Variants in MGAT4C observed in about 807,000 individuals in gnomAD.
The protein encoded by MGAT4C is alpha-1,3-mannosyl-glycoprotein 4-beta-N-acetylglucosaminyltransferase C.
MGAT4C carries 19 observed loss-of-function variants against 40.1 expected under a neutral mutation model. The ratio of observed to expected loss-of-function variants is 0.47; its 90% CI spans 0.33 to 0.70. MGAT4C has a LOEUF of 0.70. MGAT4C is among the 30% of genes least tolerant of loss of function. The pLI is 0.02. For missense variants in MGAT4C, 491 were observed against 563.2 expected, an observed-to-expected ratio of 0.87 and a Z score of 1.30; for synonymous variants, 181 against 187.1, an observed-to-expected ratio of 0.97 and a Z score of 0.27.
At chr12:85,998,030 G>T (rs1886830588) in intron 2 of MGAT4C, among the ~76,000 whole-genome samples, 1 of 152,222 alleles carries the variant, frequency 6.6e-6, no homozygotes, top group South Asian at 2.1e-4. Flanking sequence ...TGGATATCCA[G>T]GTGTTTCCAT....
chr12:86,438,538 G>A (rs1449475142), intron 2 of MGAT4C, among the ~76,000 whole-genome samples: 3 of 151,840 alleles, frequency 2.0e-5, no homozygotes, highest in Non-Finnish European at 4.4e-5. Flanking sequence ...ATAGAAGATG[G>A]CATCCCTATA....
At position 85,979,805 on chromosome 12, in the gene MGAT4C, A is replaced by C. The variant is rs766814115; in HGVS notation, c.921T>G (p.Ser307=). 7 of 1,613,744 alleles carry C rather than the reference A, an allele frequency of 4.3e-6. No individual in the cohort carries two copies. In the South Asian group the frequency reaches 6.6e-5, roughly 15 times the overall value. Residue 307 remains serine (S), a synonymous_variant, in exon 5 of 5, where the codon TCT becomes TCG. Transcript: ENST00000611864. ...AATAATAGCCCATGTGCTGAAAGAGAGATGGTTTAAAACGGATCACATTTT... is the reference window on the plus strand; with the variant it reads ...AATAATAGCCCATGTGCTGAAAGAGCGATGGTTTAAAACGGATCACATTTT... ...AQKNVIRFKP[S]LFQHMGYYSS... is the part of the protein sequence containing the mutation.
At chr12:86,458,426 A>C (rs987118230) in intron 2 of MGAT4C, among the ~76,000 whole-genome samples, 3 of 152,140 alleles carry the variant, frequency 2.0e-5, no homozygotes, top group Non-Finnish European at 2.9e-5. Flanking sequence ...ATTATCCTGA[A>C]TCTACCTCAG....
At chr12:86,461,536 C>T (rs1386834195) in intron 2 of MGAT4C, among the ~76,000 whole-genome samples, 2 of 152,078 alleles carry the variant, frequency 1.3e-5, no homozygotes, top group East Asian at 1.9e-4. Flanking sequence ...TGAGCCACTG[C>T]GCCCGGCCAC....
chr12:86,078,478 C>A (rs1019863427), intron 1 of MGAT4C, among the ~76,000 whole-genome samples: 1 of 152,206 alleles, frequency 6.6e-6, no homozygotes, highest in Non-Finnish European at 1.5e-5. Context: ...GATAGGCAAA[C>A]CTATATCTGG....
At chr12:86,592,445 A>G (rs903634262) in intron 2 of MGAT4C, among the ~76,000 whole-genome samples, 12 of 152,180 alleles carry the variant, frequency 7.9e-5, no homozygotes, top group Admixed American at 2.0e-4. Flanking sequence ...ATCAAACTGT[A>G]TAATTGGTAA....
rs1158370049 is a variant in MGAT4C, at chr12:85,957,674, GAAAAAAGA to G, written c.*21607_*21614del. 1.0e-4 allele frequency: 10 copies of G among 98,498 alleles called. No homozygotes were observed. The highest frequency in any genetic ancestry group is 3.5e-4 in the African/African-American group (10 of 28,350). 6.1% of individuals were successfully genotyped at this position (98,498 alleles called of 1,614,324 possible). A position where few individuals can be genotyped will look rare whatever the true frequency, so the allele number is the denominator to read the frequency against. ...TAAGAAAGCAAAAAAAAAAAAAAAA[GAAAAAAGA>G]AAAAAAAAATCTATCAATCCTGAAA... On this transcript the variant is annotated 3_prime_UTR_variant, in exon 5 of 5. Coordinates refer to ENST00000611864, the MANE Select transcript of MGAT4C (RefSeq NM_001351288.2).
rs1423787936 is a variant in MGAT4C, at chr12:86,452,745, A to T, written c.-228-17480T>A. Among the ~76,000 whole-genome samples, 5 of 152,260 alleles carry T rather than the reference A, an allele frequency of 3.3e-5. No homozygotes were observed. The East Asian group carries it at 7.7e-4, about 24-fold the overall frequency. On this transcript the variant is annotated intron_variant, in intron 2 of 7. Coordinates refer to the MGAT4C transcript ENST00000548651. ...AGACTTTTAAATAATTATGATTAAT[A>T]CATGTAAAGGTACTGCTTAGTAACT...
intron 3 of MGAT4C, among the ~76,000 whole-genome samples, chr12:86,378,342 C>T (rs920592184): frequency 5.3e-5 from 8 of 152,114 alleles, no homozygotes; most frequent in Non-Finnish European, 8.8e-5. Flanking sequence ...TTGGTATTTA[C>T]ATGGGACTTG....
chr12:86,666,473 T>C (rs1328896563), intron 2 of MGAT4C, among the ~76,000 whole-genome samples: 1 of 152,220 alleles, frequency 6.6e-6, no homozygotes, highest in Non-Finnish European at 1.5e-5. Flanking sequence ...TTCTGGCATT[T>C]CATCACTTGC....
At chr12:86,476,393 C>T (rs1957835936) in intron 2 of MGAT4C, among the ~76,000 whole-genome samples, 2 of 152,026 alleles carry the variant, frequency 1.3e-5, no homozygotes, top group South Asian at 2.1e-4. Context: ...GAAATACCAT[C>T]CCATTTTCTG....
chr12:86,725,281 G>T (rs1950802411), intron 2 of MGAT4C, among the ~76,000 whole-genome samples: 1 of 151,990 alleles, frequency 6.6e-6, no homozygotes, highest in Admixed American at 6.6e-5. Flanking sequence ...TACTTAATTT[G>T]TTCTCTGTTA....
At chr12:86,645,912 C>T (rs1173003457) in intron 2 of MGAT4C, among the ~76,000 whole-genome samples, 3 of 151,674 alleles carry the variant, frequency 2.0e-5, no homozygotes, top group African/African-American at 2.4e-5. Flanking sequence ...AAGTTTCCCA[C>T]CCCCTGTAAA....
At chr12:86,317,767 AATAAG>A in intron 4 of MGAT4C, among the ~76,000 whole-genome samples, 1 of 151,936 alleles carries the variant, frequency 6.6e-6, no homozygotes, top group Non-Finnish European at 1.5e-5. Context: ...GAAGTGAATT[AATAAG>A]ATATTTCAGG....
At chr12:86,417,235 C>T (rs1555186140) in intron 3 of MGAT4C, among the ~76,000 whole-genome samples, 1 of 152,058 alleles carries the variant, frequency 6.6e-6, no homozygotes, top group East Asian at 1.9e-4. Flanking sequence ...CAATTGTTTG[C>T]ACATTCCTAT....
At chr12:86,568,022 T>C (rs1181743614) in intron 2 of MGAT4C, among the ~76,000 whole-genome samples, 1 of 152,176 alleles carries the variant, frequency 6.6e-6, no homozygotes, top group East Asian at 1.9e-4. Context: ...AAGATTATGC[T>C]TGATGTCAGG....
At chr12:86,483,033 C>A (rs139223638) in intron 2 of MGAT4C, among the ~76,000 whole-genome samples, 32 of 152,240 alleles carry the variant, frequency 2.1e-4, no homozygotes, top group African/African-American at 7.0e-4. Context: ...ATATCATAGA[C>A]TGGGTGATTG....
At chr12:86,354,949 G>C (rs1955273875) in intron 3 of MGAT4C, among the ~76,000 whole-genome samples, 2 of 152,192 alleles carry the variant, frequency 1.3e-5, no homozygotes, top group East Asian at 3.9e-4. Flanking sequence ...GAGAACCCAA[G>C]GGGGGTGCCA....
At chr12:86,451,896 T>C (rs1031071395) in intron 2 of MGAT4C, among the ~76,000 whole-genome samples, 10 of 152,148 alleles carry the variant, frequency 6.6e-5, no homozygotes, top group African/African-American at 2.2e-4. Flanking sequence ...ACTTTCAATA[T>C]TCTATTTTTC....
Sources: gnomAD v4.1 joint callset for allele counts (sites outside exome capture counted in the v4.1 genomes callset) on GRCh38, gnomAD v4.1.1 for gene constraint, MANE v1.5 for transcripts, NCBI Gene and HGNC (gene_info 2026-07-23, HGNC 2026-07-21) for gene names.